Variants in ARHGAP10 observed in about 807,000 individuals in gnomAD.
The protein encoded by ARHGAP10 is Rho GTPase activating protein 10.
ARHGAP10 carries 87 observed loss-of-function variants against 108.6 expected under a neutral mutation model. That is an observed-to-expected ratio of 0.80 (90% CI 0.67 to 0.96). ARHGAP10 has a LOEUF of 0.96. Ranked by LOEUF, ARHGAP10 falls within the 40% of genes least tolerant of loss-of-function variation. The pLI, the probability that ARHGAP10 is intolerant of heterozygous loss-of-function variation, is 0.00. For synonymous variants in ARHGAP10, 347 were observed against 341.1 expected, an observed-to-expected ratio of 1.02 and a Z score of -0.19; for missense variants, 939 against 954.5, an observed-to-expected ratio of 0.98 and a Z score of 0.21.
intron 1 of ARHGAP10, among the ~76,000 whole-genome samples, chr4:147,821,449 G>A (rs1052762931): frequency 2.6e-5 from 4 of 152,086 alleles, no homozygotes; most frequent in African/African-American, 7.2e-5. Flanking sequence ...TTAAAATCCT[G>A]TATGATCCAA....
At chr4:147,845,687 G>A (rs566254304) in intron 3 of ARHGAP10, among the ~76,000 whole-genome samples, 28 of 152,298 alleles carry the variant, frequency 1.8e-4, no homozygotes, top group African/African-American at 6.3e-4. Flanking sequence ...CATATTATAT[G>A]GAGGTTTATT....
chr4:148,072,211 C>T lies in ARHGAP10; in HGVS notation c.*130C>T, dbSNP rs771320163. ...CCACACTTGGGAGTTACCATCATCA[C>T]AGTCAGCCCTGGGGGTGGGGGGTGG... On this transcript the variant is annotated 3_prime_UTR_variant, in exon 23 of 23. Transcript: ENST00000336498. 1 of 652,144 alleles carries T rather than the reference C, an allele frequency of 1.5e-6. No homozygotes were observed. Among genetic ancestry groups the T allele is most frequent in the Non-Finnish European group, 2.5e-6 (1 of 399,870 alleles). The allele number at this position is 652,144 out of a possible 1,614,324, so 40.4% of individuals were successfully genotyped here.
chr4:147,835,533 C>G (rs1305469600), intron 3 of ARHGAP10, among the ~76,000 whole-genome samples: 2 of 152,202 alleles, frequency 1.3e-5, no homozygotes, highest in Non-Finnish European at 2.9e-5. Flanking sequence ...GCCACCATGC[C>G]TGGCTAAATT....
chr4:147,885,172 A>G (rs1227727749), intron 10 of ARHGAP10, among the ~76,000 whole-genome samples: 4 of 152,136 alleles, frequency 2.6e-5, no homozygotes, highest in Admixed American at 2.0e-4. Context: ...GAAGACAGTA[A>G]AATTAGTTTG....
chr4:147,940,417 A>T (rs1452880204), intron 14 of ARHGAP10, among the ~76,000 whole-genome samples: 2 of 152,222 alleles, frequency 1.3e-5, no homozygotes, highest in Non-Finnish European at 2.9e-5. Flanking sequence ...GTTCTTTGGC[A>T]TCGCAGACTA....
intron 10 of ARHGAP10, among the ~76,000 whole-genome samples, chr4:147,899,687 G>A (rs993079231): frequency 1.3e-5 from 2 of 150,072 alleles, no homozygotes; most frequent in African/African-American, 4.9e-5. Flanking sequence ...ACTTGACCTT[G>A]AGTAAAATTA....
chr4:147,770,587 TATAGTC>T (rs1730036850), intron 1 of ARHGAP10, among the ~76,000 whole-genome samples: 1 of 152,224 alleles, frequency 6.6e-6, no homozygotes, highest in Admixed American at 6.5e-5. Context: ...GTATTTAACT[TATAGTC>T]ATGTGGTGTT....
rs756362452 is a variant in ARHGAP10 at position 148,023,377 on chromosome 4, G to A, written c.1831G>A (p.Val611Met). ...ACAAGGCCAGAGAACCAAGAGGCCC[G>A]TGGCCGTCTACAATCTTTGTCTGGA... is the stretch of plus-strand genomic sequence containing the variant. ...KRQGQRTKRP[V>M]AVYNLCLELE... The change falls in exon 19 of 23, where the codon GTG becomes ATG. Residue 611 changes from valine (V) to methionine (M), a missense_variant. By Grantham distance (21) the Val-to-Met change is conservative. Transcript: ENST00000336498. The A allele has an allele frequency of 3.4e-5, 55 of 1,613,946 alleles. No homozygotes were observed. Among genetic ancestry groups the A allele is most frequent in the African/African-American group, 6.7e-5 (5 of 74,932 alleles).
chr4:147,922,667 G>A lies in ARHGAP10; in HGVS notation c.1228+9528G>A, dbSNP rs1459601429. On this transcript the variant is annotated intron_variant, in intron 13 of 22. Transcript: ENST00000336498. ...CCCGCCACTGCACTCCAGCCTGGGCGACAGAGCGAGACTCCGTCTCAAAAA... is the reference window on the plus strand; with the variant it reads ...CCCGCCACTGCACTCCAGCCTGGGCAACAGAGCGAGACTCCGTCTCAAAAA... Among the ~76,000 whole-genome samples, 170 of 129,780 alleles carry A rather than the reference G, an allele frequency of 1.3e-3. 2 individuals are homozygous for A. Among genetic ancestry groups the A allele is most frequent in the African/African-American group, 3.5e-3 (114 of 32,766 alleles). 85.1% of individuals were successfully genotyped at this position (129,780 alleles called of 152,430 possible).
intron 18 of ARHGAP10, among the ~76,000 whole-genome samples, chr4:148,014,758 T>C (rs1012895394): frequency 1.6e-4 from 24 of 149,080 alleles, no homozygotes; most frequent in African/African-American, 5.4e-4. Flanking sequence ...AACCAAAGTC[T>C]GCTATGCATC....
intron 18 of ARHGAP10, among the ~76,000 whole-genome samples, chr4:147,989,549 A>G (rs1271394646): frequency 3.9e-5 from 6 of 152,216 alleles, no homozygotes; most frequent in African/African-American, 1.4e-4. Context: ...TCCCTTTCTC[A>G]GGGACGTTCC....
intron 1 of ARHGAP10, among the ~76,000 whole-genome samples, chr4:147,762,467 G>C (rs975519866): frequency 6.6e-6 from 1 of 151,712 alleles, no homozygotes; most frequent in Non-Finnish European, 1.5e-5. Context: ...AGAGTTGATT[G>C]GGTAGGTGAA....
intron 13 of ARHGAP10, among the ~76,000 whole-genome samples, chr4:147,934,272 G>A (rs1737835681): frequency 6.6e-6 from 1 of 152,218 alleles, no homozygotes; most frequent in Non-Finnish European, 1.5e-5. Context: ...GAATCTAGGA[G>A]CAAGCTTGTG....
At chr4:147,888,586 A>G (rs1443576997) in intron 10 of ARHGAP10, among the ~76,000 whole-genome samples, 1 of 152,216 alleles carries the variant, frequency 6.6e-6, no homozygotes, top group Non-Finnish European at 1.5e-5. Context: ...AACTTGGAAA[A>G]TAATTTTTTT....
chr4:147,835,210 A>T (rs1579097860), intron 3 of ARHGAP10, among the ~76,000 whole-genome samples: 1 of 152,080 alleles, frequency 6.6e-6, no homozygotes, highest in Non-Finnish European at 1.5e-5. Flanking sequence ...CCTGGTAGAG[A>T]ATGAGTTCCC....
chr4:147,783,318 A>G (rs193267275), intron 1 of ARHGAP10, among the ~76,000 whole-genome samples: 1 of 143,452 alleles, frequency 7.0e-6, no homozygotes, highest in Admixed American at 7.2e-5. Context: ...AACACACATT[A>G]AATTATGTAT....
intron 4 of ARHGAP10, among the ~76,000 whole-genome samples, chr4:147,848,026 AT>A (rs1733704314): frequency 6.6e-6 from 1 of 151,670 alleles, no homozygotes; most frequent in South Asian, 2.1e-4. Flanking sequence ...ATTAACATCA[AT>A]TTTAGGTAGG....
intron 1 of ARHGAP10, among the ~76,000 whole-genome samples, chr4:147,796,711 G>A (rs1447001565): frequency 6.6e-6 from 1 of 152,112 alleles, no homozygotes; most frequent in Non-Finnish European, 1.5e-5. Flanking sequence ...ATTTTTAGTA[G>A]AGACGGGGTT....
chr4:147,999,090 A>G (rs989619359), intron 18 of ARHGAP10, among the ~76,000 whole-genome samples: 4 of 152,246 alleles, frequency 2.6e-5, no homozygotes, highest in African/African-American at 9.6e-5. Context: ...TGGATTTCCT[A>G]GGTGGACTAA....
Sources: allele counts gnomAD v4.1 joint callset (sites outside exome capture counted in the v4.1 genomes callset), GRCh38; gene constraint gnomAD v4.1.1; transcripts MANE v1.5; gene names NCBI Gene and HGNC (gene_info 2026-07-23, HGNC 2026-07-21).